UBR3: variants seen among roughly 807,000 people sequenced by gnomAD.
The protein encoded by UBR3 is E3 ubiquitin-protein ligase UBR3.
Under a neutral mutation model 243.2 loss-of-function variants are expected in UBR3, and 85 were observed. The ratio of observed to expected loss-of-function variants is 0.35; its 90% confidence interval spans 0.29 to 0.42. The LOEUF is 0.42. Among genes scored for constraint, UBR3 ranks in the 10% least tolerant of loss-of-function variants. The pLI, the probability that UBR3 is intolerant of heterozygous loss-of-function variation, is 1.00. For synonymous variants in UBR3, 748 were observed against 799.8 expected (o/e 0.94, Z 1.09); for missense variants, 1,686 against 2,300.8 (o/e 0.73, Z 5.47).
intron 1 of UBR3, among the ~76,000 whole-genome samples, chr2:169,859,948 ACCTT>A (rs1303398298): frequency 6.6e-6 from 1 of 151,896 alleles, no homozygotes; most frequent in Non-Finnish European, 1.5e-5. Context: ...GGATCTCCTG[ACCTT>A]GTGATCCACC....
intron 14 of UBR3, among the ~76,000 whole-genome samples, chr2:169,926,288 A>G (rs1386737573): frequency 6.6e-6 from 1 of 152,148 alleles, no homozygotes; most frequent in African/African-American, 2.4e-5. Flanking sequence ...ATCATAATAT[A>G]CAGAAAATAA....
At chr2:169,841,866 C>T (rs2105284957) in intron 1 of UBR3, among the ~76,000 whole-genome samples, 1 of 152,358 alleles carries the variant, frequency 6.6e-6, no homozygotes, top group East Asian at 1.9e-4. Context: ...GAGCACCACC[C>T]CCTACTCCAC....
intron 11 of UBR3, among the ~76,000 whole-genome samples, chr2:169,919,196 C>G (rs1209999605): frequency 6.6e-6 from 1 of 152,136 alleles, no homozygotes; most frequent in Non-Finnish European, 1.5e-5. Flanking sequence ...GAGGTAAGCT[C>G]TTTCTTCTTA....
chr2:169,836,041 C>CTATA (rs1253416580), intron 1 of UBR3, among the ~76,000 whole-genome samples: 1 of 8,418 alleles, frequency 1.2e-4, no homozygotes, highest in African/African-American at 4.0e-4. Context: ...CTCTCTCTCT[C>CTATA]TCTATATATA....
At chr2:170,056,117 C>T (rs1423274826) in intron 33 of UBR3, among the ~76,000 whole-genome samples, 3 of 150,404 alleles carry the variant, frequency 2.0e-5, no homozygotes, top group African/African-American at 4.9e-5. Flanking sequence ...AAGCAATTCT[C>T]CTGCCTCAGC....
intron 13 of UBR3, among the ~76,000 whole-genome samples, chr2:169,924,957 C>G (rs904557463): frequency 2.4e-4 from 37 of 152,154 alleles, no homozygotes; most frequent in African/African-American, 8.7e-4. Flanking sequence ...TTGCTTGAAC[C>G]TGGGAGACAG....
chr2:170,037,829 A>G (rs562131782), intron 31 of UBR3, among the ~76,000 whole-genome samples: 2 of 152,306 alleles, frequency 1.3e-5, no homozygotes, highest in Admixed American at 1.3e-4. Flanking sequence ...TTGTATGCAT[A>G]TTATGTTTCA....
At chr2:170,065,133 A>G (rs750419053) in intron 35 of UBR3, among the ~76,000 whole-genome samples, 1 of 151,972 alleles carries the variant, frequency 6.6e-6, no homozygotes, top group Non-Finnish European at 1.5e-5. Context: ...GTGAGCCACC[A>G]CACCCAGCCA....
chr2:169,939,297 T>A (rs4668187), intron 19 of UBR3, among the ~76,000 whole-genome samples: 43 of 149,896 alleles, frequency 2.9e-4, no homozygotes, highest in Admixed American at 9.9e-4. Flanking sequence ...CTCGCCCTGT[T>A]GCCCAGGCTG....
chr2:170,054,771 A>G (rs1272993288), intron 32 of UBR3, among the ~76,000 whole-genome samples: 2 of 152,114 alleles, frequency 1.3e-5, no homozygotes, highest in African/African-American at 4.8e-5. Context: ...ATAGGGGTAG[A>G]TGATGTGTTG....
At chr2:169,885,725 T>G (rs1049341861) in intron 5 of UBR3, among the ~76,000 whole-genome samples, 3 of 152,228 alleles carry the variant, frequency 2.0e-5, no homozygotes, top group Non-Finnish European at 4.4e-5. Flanking sequence ...CTTTGCAAAA[T>G]AAGTTACTGT....
In UBR3 at chr2:169,949,640, A is replaced by G; in HGVS notation, c.3120A>G (p.Ala1040=). ...CAGCTCAAGTTTTCAGTTTAGTAGC[A>G]GAACGTAGAAAGAAATTTCAGGAAA... ...SGTAQVFSLV[A]ERRKKFQEII... The change falls in exon 23 of 39, where the codon GCA becomes GCG. Residue 1040 remains alanine, a synonymous_variant. Coordinates refer to ENST00000272793, the MANE Select transcript of UBR3 (RefSeq NM_172070.4). 1 of 1,549,674 alleles carries G rather than the reference A, an allele frequency of 6.5e-7. No individual in the cohort carries two copies. The highest frequency in any genetic ancestry group is 1.2e-5 in the South Asian group (1 of 83,470).
Position 169,906,152 on chromosome 2 carries a change from T to C in UBR3, c.1767T>C (p.His589=), listed in dbSNP as rs757263764. The C allele has an allele frequency of 1.2e-5, 18 of 1,541,708 alleles. No homozygotes were observed. The highest frequency in any genetic ancestry group is 1.5e-5 in the Non-Finnish European group (17 of 1,144,468). Residue 589 remains histidine (H), a synonymous_variant, in exon 10 of 39, where the codon CAT becomes CAC. Transcript: ENST00000272793. ...CAQPMWGLLS[H]CKVRETQEYT... ...AGCCAATGTGGGGGCTTTTATCACA[T>C]TGTAAAGTTAGGGTATGTTGGAAAT...
chr2:169,996,686 G>T (rs1181471628), intron 26 of UBR3, among the ~76,000 whole-genome samples: 1 of 123,444 alleles, frequency 8.1e-6, no homozygotes, highest in Non-Finnish European at 1.7e-5. Flanking sequence ...TATTGCTTTG[G>T]ACTTTTGTTT....
intron 1 of UBR3, among the ~76,000 whole-genome samples, chr2:169,858,141 C>G (rs1246358484): frequency 1.3e-5 from 2 of 152,136 alleles, no homozygotes; most frequent in Admixed American, 1.3e-4. Context: ...CTGGGTGGTT[C>G]TGGTATAGCA....
chr2:169,890,606 T>C (rs2084339962), intron 5 of UBR3, among the ~76,000 whole-genome samples: 1 of 134,190 alleles, frequency 7.5e-6, no homozygotes, highest in Admixed American at 7.4e-5. Flanking sequence ...TATATATGTA[T>C]ATATATCATT....
intron 35 of UBR3, among the ~76,000 whole-genome samples, chr2:170,067,632 GAAGT>G (rs2091604106): frequency 6.6e-6 from 1 of 152,094 alleles, no homozygotes; most frequent in Admixed American, 6.5e-5. Flanking sequence ...AATTTTCAAA[GAAGT>G]GAGTTATAAA....
At chr2:169,843,081 A>T (rs1472207458) in intron 1 of UBR3, among the ~76,000 whole-genome samples, 1 of 152,176 alleles carries the variant, frequency 6.6e-6, no homozygotes, top group Non-Finnish European at 1.5e-5. Flanking sequence ...TTCACTTCAA[A>T]ACTACTCCAG....
At chr2:169,906,272 T>A (rs949893780) in intron 10 of UBR3, 108 bp downstream of exon 10, 2 of 1,282,892 alleles carry the variant, frequency 1.6e-6, no homozygotes, top group Non-Finnish European at 2.1e-6. Context: ...TGTTTCAAAT[T>A]GAATTCAGCT....
Sources: allele counts gnomAD v4.1 joint callset (sites outside exome capture counted in the v4.1 genomes callset), GRCh38; gene constraint gnomAD v4.1.1; transcripts MANE v1.5; gene names NCBI Gene and HGNC (gene_info 2026-07-23, HGNC 2026-07-21).